Variants in OCA2 observed in about 807,000 individuals in gnomAD.
OCA2 encodes the protein OCA2 melanosomal transmembrane protein.
OCA2 carries 77 observed loss-of-function variants against 100.2 expected under a neutral mutation model. The observed-to-expected ratio is 0.77, with a 90% CI of 0.64 to 0.93. The LOEUF (loss-of-function observed/expected upper bound fraction) is 0.93, where lower values mean the gene tolerates loss of function less well. Ranked by LOEUF, OCA2 falls within the 40% of genes least tolerant of loss-of-function variation. The pLI, the probability that OCA2 is intolerant of heterozygous loss-of-function variation, is 0.00. For synonymous variants in OCA2, 432 were observed against 439.2 expected (o/e 0.98, Z 0.21); for missense variants, 1,062 against 1,089.1 (o/e 0.98, Z 0.35).
intron 19 of OCA2, among the ~76,000 whole-genome samples, chr15:27,879,920 T>C (rs1340073441): frequency 1.3e-5 from 2 of 152,150 alleles, no homozygotes; most frequent in African/African-American, 2.4e-5. Context: ...TCATGAAATC[T>C]ATGTTTGTGC....
chr15:28,048,302 C>G (rs975248635), intron 2 of OCA2, among the ~76,000 whole-genome samples: 1 of 152,142 alleles, frequency 6.6e-6, no homozygotes, highest in Non-Finnish European at 1.5e-5. Context: ...ACAATCTTGA[C>G]AAAGAACAAC....
chr15:27,857,943 AG>A, intron 21 of OCA2, among the ~76,000 whole-genome samples: 1 of 152,312 alleles, frequency 6.6e-6, no homozygotes, highest in Non-Finnish European at 1.5e-5. Flanking sequence ...GTAACCACTA[AG>A]AAAATAACTA....
chr15:27,882,790 T>C (rs1186902139), intron 19 of OCA2, among the ~76,000 whole-genome samples: 5 of 152,232 alleles, frequency 3.3e-5, no homozygotes, highest in South Asian at 4.1e-4. Flanking sequence ...TGTGATCATA[T>C]TGGCCTGTAT....
At chr15:27,775,303 G>C (rs895672750) in intron 23 of OCA2, among the ~76,000 whole-genome samples, 1 of 152,142 alleles carries the variant, frequency 6.6e-6, no homozygotes, top group African/African-American at 2.4e-5. Context: ...CCTCTGTCAC[G>C]TGTTCTCTTC....
At chr15:28,017,455 A>T (rs1475704991) in intron 7 of OCA2, among the ~76,000 whole-genome samples, 1 of 152,178 alleles carries the variant, frequency 6.6e-6, no homozygotes, top group Non-Finnish European at 1.5e-5. Context: ...CCCAGGTCAG[A>T]GGGCAAAGGT....
chr15:27,957,456 T>C lies in OCA2; in HGVS notation c.1784+132A>G. 3.7e-6 allele frequency: 4 copies of C among 1,084,098 alleles called. No individual in the cohort carries two copies. The highest frequency in any genetic ancestry group is 1.3e-5 in the South Asian group (1 of 75,988). 67.2% of individuals were successfully genotyped at this position (1,084,098 alleles called of 1,614,324 possible). On this transcript the variant is annotated intron_variant, in intron 16 of 23. Coordinates refer to ENST00000354638, the MANE Select transcript of OCA2 (RefSeq NM_000275.3). The surrounding 1 kb of genome is among the most constrained non-coding windows in gnomAD (Gnocchi z 4.3). Reference sequence around the variant, plus strand: ...TCAGTGAGGGTTAGATAAAATGTACTATAAGAGGCTTAGCACAGTGTGCGT... The same window carrying C: ...TCAGTGAGGGTTAGATAAAATGTACCATAAGAGGCTTAGCACAGTGTGCGT...
At chr15:28,018,945 T>G (rs1354452017) in intron 6 of OCA2, among the ~76,000 whole-genome samples, 1 of 152,198 alleles carries the variant, frequency 6.6e-6, no homozygotes, top group Non-Finnish European at 1.5e-5. Flanking sequence ...GACCCCACTC[T>G]TCATCAAACC....
chr15:28,052,332 G>A (rs1190156709), intron 2 of OCA2, among the ~76,000 whole-genome samples: 1 of 152,182 alleles, frequency 6.6e-6, no homozygotes, highest in Non-Finnish European at 1.5e-5. Context: ...ATGTGATTGG[G>A]GAAGGAAATA....
At chr15:27,877,569 T>C (rs2036842650) in intron 19 of OCA2, among the ~76,000 whole-genome samples, 1 of 152,014 alleles carries the variant, frequency 6.6e-6, no homozygotes, top group Non-Finnish European at 1.5e-5. Context: ...ATGTCCCTCA[T>C]TATTTCCAAT....
At chr15:27,817,286 C>T (rs2034338888) in intron 23 of OCA2, among the ~76,000 whole-genome samples, 1 of 152,214 alleles carries the variant, frequency 6.6e-6, no homozygotes, top group Non-Finnish European at 1.5e-5. Context: ...GCAGCACACT[C>T]AGCATTGATC....
At chr15:27,970,437 C>T (rs569874581) in intron 14 of OCA2, among the ~76,000 whole-genome samples, 11 of 152,278 alleles carry the variant, frequency 7.2e-5, no homozygotes, top group African/African-American at 2.6e-4. Context: ...CTTCACAGCA[C>T]ATGCAGCATG....
At chr15:28,047,769 T>C (rs1341725918) in intron 2 of OCA2, among the ~76,000 whole-genome samples, 1 of 151,914 alleles carries the variant, frequency 6.6e-6, no homozygotes, top group Non-Finnish European at 1.5e-5. Context: ...CAAGCCAGAG[T>C]AATTAAACAA....
chr15:27,945,155 T>C (rs1449083409), intron 18 of OCA2, among the ~76,000 whole-genome samples: 2 of 152,152 alleles, frequency 1.3e-5, no homozygotes, highest in Admixed American at 1.3e-4. Flanking sequence ...GAACATATAT[T>C]AGGAAGCCTT....
rs376728693 is a variant in OCA2, at chr15:28,032,192, C to T, written c.228-29G>A. 6.5e-4 allele frequency: 960 copies of T among 1,483,432 alleles called. 3 individuals carry two copies. The highest frequency in any genetic ancestry group is 8.6e-4 in the Non-Finnish European group (909 of 1,061,212). 91.9% of individuals were successfully genotyped at this position (1,483,432 alleles called of 1,614,324 possible). A position where few individuals can be genotyped will look rare whatever the true frequency, so the allele number is the denominator to read the frequency against. The stretch of plus-strand genomic sequence containing the variant: ...AAAGAGACAGGGTAGGAAACAGAAT[C>T]ACCAACACAGAAATAATGTATGTGT... On this transcript the variant is annotated intron_variant, in intron 2 of 23. Coordinates refer to ENST00000354638, the MANE Select transcript of OCA2 (RefSeq NM_000275.3).
At chr15:27,808,983 T>C (rs2033969805) in intron 23 of OCA2, among the ~76,000 whole-genome samples, 2 of 152,194 alleles carry the variant, frequency 1.3e-5, no homozygotes, top group African/African-American at 4.8e-5. Flanking sequence ...TTCTGTCCTT[T>C]GACATGACCT....
chr15:27,855,784 G>T (rs1460658319), intron 21 of OCA2, among the ~76,000 whole-genome samples: 1 of 152,184 alleles, frequency 6.6e-6, no homozygotes, highest in East Asian at 1.9e-4. Context: ...CTTTACAGTG[G>T]CAGACAGAAA....
the OCA2 span, among the ~76,000 whole-genome samples, chr15:27,738,324 A>G: frequency 6.6e-6 from 1 of 152,218 alleles, no homozygotes; most frequent in Non-Finnish European, 1.5e-5. Flanking sequence ...TACCTGAAGG[A>G]TCAAAATGAG....
At chr15:27,813,820 A>G (rs2034172897) in intron 23 of OCA2, among the ~76,000 whole-genome samples, 1 of 152,240 alleles carries the variant, frequency 6.6e-6, no homozygotes, top group Admixed American at 6.5e-5. Flanking sequence ...CCAAGAGGAA[A>G]ACAATCACCC....
chr15:28,070,507 G>A lies in OCA2; in HGVS notation c.227+11141C>T, dbSNP rs1334340359. On this transcript the variant is annotated intron_variant, in intron 2 of 23. Coordinates refer to ENST00000354638, the MANE Select transcript of OCA2 (RefSeq NM_000275.3). The stretch of plus-strand genomic sequence containing the variant: ...AGGGAGGTGGGGGGGTCAGCCCCCC[G>A]CCTGGCCAGCCGCCCCGTCCGGGAG... Among the ~76,000 whole-genome samples, 250 of 124,838 alleles carry A rather than the reference G, an allele frequency of 2.0e-3. 2 individuals are homozygous for A. The highest frequency in any genetic ancestry group is 6.5e-3 in the African/African-American group (184 of 28,312). The allele number at this position is 124,838 out of a possible 152,430, so 81.9% of individuals were successfully genotyped here.
Sources: gnomAD v4.1 joint callset for allele counts (sites outside exome capture counted in the v4.1 genomes callset) on GRCh38, gnomAD v4.1.1 for gene constraint, Gnocchi (gnomAD v3.1) non-coding constraint, MANE v1.5 for transcripts, NCBI Gene and HGNC (gene_info 2026-07-23, HGNC 2026-07-21) for gene names.